The following CAMTA1 variants were observed in gnomAD, a reference collection of about 807,000 sequenced individuals.
CAMTA1 encodes calmodulin-binding transcription activator 1.
In CAMTA1, 27 loss-of-function variants were observed where a neutral mutation model predicts 170.9. That is an observed-to-expected ratio of 0.16 (90% CI 0.12 to 0.22). The LOEUF is 0.22. Ranked by LOEUF, CAMTA1 falls within the 10% of genes least tolerant of loss-of-function variation. The pLI is 1.00. For synonymous variants in CAMTA1, 833 were observed against 891.5 expected (o/e 0.93, Z 1.17); for missense variants, 1,619 against 2,217.2 (o/e 0.73, Z 5.42).
rs1646187233 is a variant in CAMTA1 at position 7,146,389 on chromosome 1, G to A, written c.302+55018G>A. On this transcript the variant is annotated intron_variant, in intron 4 of 22. Coordinates refer to ENST00000303635, the MANE Select transcript of CAMTA1 (RefSeq NM_015215.4). The surrounding 1 kb of genome is among the most constrained non-coding windows in gnomAD (Gnocchi z 4.3). ...GAAAGAAGTGAAGAGATAAGAATGT[G>A]TAGGAAGGTTATCTTTCAATTAAGA... Among the ~76,000 whole-genome samples the A allele has an allele frequency of 6.6e-6, 1 of 152,186 alleles. No individual in the cohort carries two copies. The highest frequency in any genetic ancestry group is 2.1e-4 in the South Asian group (1 of 4,828).
intron 4 of CAMTA1, among the ~76,000 whole-genome samples, chr1:7,119,420 G>A (rs747328964): frequency 9.2e-5 from 14 of 152,136 alleles, no homozygotes; most frequent in African/African-American, 2.9e-4. Context: ...TCCTCTTGCC[G>A]AAACTAATAT....
intron 4 of CAMTA1, among the ~76,000 whole-genome samples, chr1:7,225,784 T>C (rs1271496521): frequency 6.6e-6 from 1 of 152,182 alleles, no homozygotes; most frequent in Non-Finnish European, 1.5e-5. Flanking sequence ...CATTTCCAGC[T>C]CAGAAGTTCA....
chr1:7,728,544 C>G (rs10864311), intron 11 of CAMTA1, among the ~76,000 whole-genome samples: 67,126 of 152,080 alleles, frequency 0.44, 15,114 homozygotes, highest in Non-Finnish European at 0.49. Context: ...TGTAGACTTG[C>G]AGAAGAAATC....
At chr1:7,374,715 C>T (rs542706845) in intron 5 of CAMTA1, among the ~76,000 whole-genome samples, 76 of 152,340 alleles carry the variant, frequency 5.0e-4, no homozygotes, top group Non-Finnish European at 7.9e-4. Context: ...GATACCAGGA[C>T]ACTGGAGAGT....
rs978819392 is a variant in CAMTA1, at chr1:6,965,205, A to G, written c.235-126099A>G. ...GTGGTATGAGCATGAGTGTGTGTGT[A>G]TGACTTTGTGTGCTTGTGTGTGTCT... On this transcript the variant is annotated intron_variant, in intron 3 of 22. Transcript: ENST00000303635. This position sits in a 1 kb window ranked among gnomAD's most constrained non-coding sequence, Gnocchi z 4.1. Among the ~76,000 whole-genome samples, 2 of 151,924 alleles carry G rather than the reference A, an allele frequency of 1.3e-5. No homozygotes were observed. The highest frequency in any genetic ancestry group is 4.8e-5 in the African/African-American group (2 of 41,346).
intron 5 of CAMTA1, among the ~76,000 whole-genome samples, chr1:7,393,003 T>A (rs1408816575): frequency 6.6e-6 from 1 of 151,202 alleles, no homozygotes; most frequent in South Asian, 2.1e-4. Context: ...CAGTGAGCTA[T>A]GATCGCGCCA....
intron 4 of CAMTA1, among the ~76,000 whole-genome samples, chr1:7,166,345 C>A (rs191242828): frequency 1.3e-5 from 2 of 152,264 alleles, no homozygotes; most frequent in East Asian, 1.9e-4. Flanking sequence ...GGATTACAGG[C>A]GTGAGCCACC....
chr1:7,719,729 A>G (rs2096637055), intron 11 of CAMTA1, among the ~76,000 whole-genome samples: 1 of 152,160 alleles, frequency 6.6e-6, no homozygotes, highest in Non-Finnish European at 1.5e-5. Context: ...GCAGCTTAAT[A>G]TACTCTCGTG....
rs2096770922 is a variant in CAMTA1 at position 7,736,170 on chromosome 1, G to GAT, written c.3067-174_3067-173insAT. Among the ~76,000 whole-genome samples, 1 of 152,162 alleles carries GAT rather than the reference G, an allele frequency of 6.6e-6. No individual in the cohort carries two copies. Among genetic ancestry groups the GAT allele is most frequent in the East Asian group, 1.9e-4 (1 of 5,194 alleles). On this transcript the variant is annotated intron_variant, in intron 12 of 22. Coordinates refer to ENST00000303635, the MANE Select transcript of CAMTA1 (RefSeq NM_015215.4). The surrounding 1 kb of genome is among the most constrained non-coding windows in gnomAD (Gnocchi z 4.5). ...TCCTCCCACCTCGGCCTCCCAAAGTGCTAGGATTTCAGGCATGATCCAGCA... is the reference window on the plus strand; with the variant it reads ...TCCTCCCACCTCGGCCTCCCAAAGTGATCTAGGATTTCAGGCATGATCCAGCA...
chr1:7,138,161 A>AT (rs200166404), intron 4 of CAMTA1, among the ~76,000 whole-genome samples: 1,964 of 151,978 alleles, frequency 0.013, 42 homozygotes, highest in African/African-American at 0.046. Context: ...AATTTTTAAA[A>AT]TTTTTTGTAG....
rs945644568 is a variant in CAMTA1, at chr1:7,592,137, G to A, written c.511-48263G>A. 2.0e-5 allele frequency among the ~76,000 whole-genome samples: 3 copies of A among 152,098 alleles called. No individual in the cohort carries two copies. The highest frequency in any genetic ancestry group is 7.2e-5 in the African/African-American group (3 of 41,424). ...TGGTCTCGAACTCCTGACCTCAGAT[G>A]ATCTGCCCGCCTCAACCTCCCAAAG... On this transcript the variant is annotated intron_variant, in intron 6 of 22. Transcript: ENST00000303635. The surrounding 1 kb of genome is among the most constrained non-coding windows in gnomAD (Gnocchi z 4.6).
intron 4 of CAMTA1, among the ~76,000 whole-genome samples, chr1:7,160,595 C>T (rs1486555105): frequency 6.6e-6 from 1 of 152,094 alleles, no homozygotes; most frequent in African/African-American, 2.4e-5. Flanking sequence ...ATGCTCATCC[C>T]TTCTATATTT....
chr1:6,969,222 G>C (rs529436072), intron 3 of CAMTA1, among the ~76,000 whole-genome samples: 1 of 152,360 alleles, frequency 6.6e-6, no homozygotes, highest in African/African-American at 2.4e-5. Context: ...AAATCAGGCA[G>C]CTTCTGAGCA....
At chr1:7,602,854 T>C (rs999761848) in intron 6 of CAMTA1, among the ~76,000 whole-genome samples, 15 of 152,378 alleles carry the variant, frequency 9.8e-5, no homozygotes, top group Non-Finnish European at 1.8e-4. Context: ...TGGTATGTTG[T>C]GTCTTTGTTC....
chr1:7,579,552 CTTTTTTTTTTTTTTTT>C (rs3034816), intron 6 of CAMTA1, among the ~76,000 whole-genome samples: 137 of 79,204 alleles, frequency 1.7e-3, no homozygotes, highest in African/African-American at 7.9e-3. Flanking sequence ...CTTTTCTTTT[CTTTTTTTTTTTTTTTT>C]TTTTTTTTTG....
Position 7,457,074 on chromosome 1 carries a change from G to A in CAMTA1, c.439-10756G>A, listed in dbSNP as rs2796480. ...CCCTGCGCCGCCGTGCCCCTCACCC[G>A]CCCCCTGCGCCAACGTGCCCCTCAC... On this transcript the variant is annotated intron_variant, in intron 5 of 22. Coordinates refer to ENST00000303635, the MANE Select transcript of CAMTA1 (RefSeq NM_015215.4). Among the ~76,000 whole-genome samples, 11 of 20,122 alleles carry A rather than the reference G, an allele frequency of 5.5e-4. 1 individual carries two copies. Among genetic ancestry groups the A allele is most frequent in the Non-Finnish European group, 1.1e-3 (11 of 9,682 alleles). 13.2% of individuals were successfully genotyped at this position (20,122 alleles called of 152,430 possible).
intron 3 of CAMTA1, among the ~76,000 whole-genome samples, chr1:6,838,749 G>A (rs1654334234): frequency 1.4e-5 from 2 of 138,982 alleles, no homozygotes; most frequent in Non-Finnish European, 1.6e-5. Flanking sequence ...GTGATCCACA[G>A]CATCATGTTT....
chr1:7,437,741 A>G (rs1342386701), intron 5 of CAMTA1, among the ~76,000 whole-genome samples: 2 of 152,172 alleles, frequency 1.3e-5, no homozygotes, highest in Non-Finnish European at 2.9e-5. Context: ...GGAGGGCCTG[A>G]CACAGGGTGC....
chr1:7,287,198 G>T (rs941020308), intron 5 of CAMTA1, among the ~76,000 whole-genome samples: 3 of 152,180 alleles, frequency 2.0e-5, no homozygotes, highest in Non-Finnish European at 4.4e-5. Context: ...TTCAGCAGGC[G>T]GGGCAGTGTG....
Sources: allele counts gnomAD v4.1 joint callset (sites outside exome capture counted in the v4.1 genomes callset), GRCh38; gene constraint gnomAD v4.1.1; non-coding constraint Gnocchi (gnomAD v3.1); transcripts MANE v1.5; gene names NCBI Gene and HGNC (gene_info 2026-07-23, HGNC 2026-07-21).